Variants in DLGAP1 observed in about 807,000 individuals in gnomAD.
The protein encoded by DLGAP1 is disks large-associated protein 1.
A neutral mutation model predicts 90.8 loss-of-function variants in DLGAP1; 11 were observed. The observed-to-expected ratio is 0.12, with a 90% CI of 0.08 to 0.20. The LOEUF (loss-of-function observed/expected upper bound fraction) is 0.20. Among genes scored for constraint, DLGAP1 ranks in the 10% least tolerant of loss-of-function variants. DLGAP1 has a pLI of 1.00. For synonymous variants in DLGAP1, 558 were observed against 540.7 expected (o/e 1.03, Z -0.44); for missense variants, 1,050 against 1,333.8 (o/e 0.79, Z 3.31).
chr18:4,254,181 A>G (rs879695461), intron 1 of DLGAP1, among the ~76,000 whole-genome samples: 49 of 152,288 alleles, frequency 3.2e-4, no homozygotes, highest in South Asian at 8.3e-4. Context: ...CGAATTTGGA[A>G]TCCTGATTTC....
intron 2 of DLGAP1, among the ~76,000 whole-genome samples, chr18:4,018,026 G>T (rs954920079): frequency 6.6e-6 from 1 of 152,128 alleles, no homozygotes; most frequent in African/African-American, 2.4e-5. Context: ...CATGCCTTAA[G>T]TTAGGTTGGT....
At chr18:3,838,097 CA>C (rs1242250061) in intron 4 of DLGAP1, among the ~76,000 whole-genome samples, 4 of 152,054 alleles carry the variant, frequency 2.6e-5, no homozygotes, top group Non-Finnish European at 5.9e-5. Flanking sequence ...GAATAATAGT[CA>C]ACTGTCTGTG....
At chr18:4,240,752 A>C (rs756047267) in intron 1 of DLGAP1, among the ~76,000 whole-genome samples, 3 of 152,190 alleles carry the variant, frequency 2.0e-5, no homozygotes, top group Non-Finnish European at 4.4e-5. Context: ...AGAGCACTGA[A>C]ATTTGGAAAG....
intron 2 of DLGAP1, among the ~76,000 whole-genome samples, chr18:4,060,461 C>T (rs2075283295): frequency 6.6e-6 from 1 of 152,180 alleles, no homozygotes; most frequent in African/African-American, 2.4e-5. Flanking sequence ...TGGAAAGATA[C>T]CTAAATCTTC....
At chr18:4,061,992 T>C (rs1486309676) in intron 2 of DLGAP1, among the ~76,000 whole-genome samples, 2 of 152,152 alleles carry the variant, frequency 1.3e-5, no homozygotes, top group African/African-American at 2.4e-5. Flanking sequence ...AGAACTTCTA[T>C]CACTCTTTTG....
chr18:4,423,850 TTA>T (rs1491211391), intron 1 of DLGAP1, among the ~76,000 whole-genome samples: 10 of 7,844 alleles, frequency 1.3e-3, no homozygotes, highest in African/African-American at 3.0e-3. Flanking sequence ...GCCCAGGAAT[TTA>T]AAAAAAAAAA....
intron 7 of DLGAP1, chr18:3,606,729 G>A (rs1189871766): frequency 6.6e-6 from 1 of 152,088 alleles, no homozygotes. Flanking sequence ...GGGCTTCTCT[G>A]AATTTTCCTA....
At chr18:4,237,535 G>C (rs1258033176) in intron 1 of DLGAP1, among the ~76,000 whole-genome samples, 1 of 152,136 alleles carries the variant, frequency 6.6e-6, no homozygotes, top group East Asian at 1.9e-4. Context: ...GCTCTGGAAA[G>C]TCCAGGTTCC....
chr18:3,649,540 CCTTCCGTACACTGTGTTAAGG>C (rs2059225119), intron 7 of DLGAP1, among the ~76,000 whole-genome samples: 1 of 152,190 alleles, frequency 6.6e-6, no homozygotes, highest in Non-Finnish European at 1.5e-5. Flanking sequence ...GCACCTACTG[CCTTCCGTACACTGTGTTAAGG>C]CTTTCTCTCT....
At chr18:4,349,054 T>C (rs1381013256) in intron 1 of DLGAP1, among the ~76,000 whole-genome samples, 5 of 152,116 alleles carry the variant, frequency 3.3e-5, no homozygotes, top group African/African-American at 1.2e-4. Context: ...CATAAGATCC[T>C]TATTAGCTAC....
intron 4 of DLGAP1, among the ~76,000 whole-genome samples, chr18:3,832,525 GA>G (rs1256856225): frequency 9.9e-5 from 15 of 152,064 alleles, no homozygotes; most frequent in African/African-American, 3.4e-4. Context: ...AAAAAATTCT[GA>G]ATCAATAGAA....
intron 2 of DLGAP1, among the ~76,000 whole-genome samples, chr18:4,122,307 C>T (rs970183688): frequency 1.3e-5 from 2 of 152,188 alleles, no homozygotes; most frequent in African/African-American, 4.8e-5. Context: ...TCATCACATG[C>T]AGGCGAAAAC....
chr18:4,157,855 C>A (rs769297015), intron 1 of DLGAP1, among the ~76,000 whole-genome samples: 1 of 152,118 alleles, frequency 6.6e-6, no homozygotes, highest in Non-Finnish European at 1.5e-5. Context: ...ACGCCATGCT[C>A]GCCACTGGAA....
intron 2 of DLGAP1, among the ~76,000 whole-genome samples, chr18:4,049,984 A>T (rs1266444448): frequency 1.3e-5 from 2 of 151,990 alleles, no homozygotes; most frequent in Non-Finnish European, 2.9e-5. Flanking sequence ...TCTTTCTCTC[A>T]TTTATTAGGA....
At chr18:3,984,842 G>A (rs748445557) in intron 3 of DLGAP1, among the ~76,000 whole-genome samples, 3 of 151,898 alleles carry the variant, frequency 2.0e-5, no homozygotes, top group Admixed American at 1.3e-4. Flanking sequence ...TGCCCACAGA[G>A]CTCAGCCGGT....
chr18:3,782,001 A>T (rs1186924380), intron 5 of DLGAP1, among the ~76,000 whole-genome samples: 5 of 150,986 alleles, frequency 3.3e-5, no homozygotes, highest in Admixed American at 3.3e-4. Context: ...TTGTTTAAAA[A>T]CTCTACGGGA....
chr18:3,505,922 G>T (rs563465865), intron 11 of DLGAP1, among the ~76,000 whole-genome samples: 36 of 152,206 alleles, frequency 2.4e-4, no homozygotes, highest in African/African-American at 7.9e-4. Context: ...GCTTTAAGGA[G>T]GTTAACATTT....
At chr18:3,987,687 C>A (rs2073870792) in intron 3 of DLGAP1, among the ~76,000 whole-genome samples, 1 of 152,166 alleles carries the variant, frequency 6.6e-6, no homozygotes, top group African/African-American at 2.4e-5. Context: ...AGCTAACATT[C>A]CTACAATGAC....
intron 4 of DLGAP1, among the ~76,000 whole-genome samples, chr18:3,818,024 A>G (rs2067190284): frequency 6.6e-6 from 1 of 152,226 alleles, no homozygotes; most frequent in African/African-American, 2.4e-5. Flanking sequence ...GCACCAGCTT[A>G]GGAGGGGGTT....
Sources: allele counts gnomAD v4.1 joint callset (sites outside exome capture counted in the v4.1 genomes callset), GRCh38; gene constraint gnomAD v4.1.1; transcripts MANE v1.5; gene names NCBI Gene and HGNC (gene_info 2026-07-23, HGNC 2026-07-21).